Variants in EDA observed in about 807,000 individuals in gnomAD.
EDA encodes ectodysplasin A.
In EDA, 2 loss-of-function variants were observed where a neutral mutation model predicts 23.6. The ratio of observed to expected loss-of-function variants is 0.08; its 90% CI spans 0.03 to 0.27. The LOEUF is 0.27. Among genes scored for constraint, EDA ranks in the 10% least tolerant of loss-of-function variants. The pLI is 1.00. For missense variants in EDA, 229 were observed against 324.2 expected, an observed-to-expected ratio of 0.71 and a Z score of 2.26; for synonymous variants, 131 against 132.0, an observed-to-expected ratio of 0.99 and a Z score of 0.05.
chrX:70,035,792 CCTTG>C lies in EDA; in HGVS notation c.*184_*187del, dbSNP rs2020259878. On this transcript the variant is annotated 3_prime_UTR_variant, in exon 8 of 8. Coordinates refer to ENST00000374552, the MANE Select transcript of EDA (RefSeq NM_001399.5). ...AGGCCTGCTTGACTTTCCAGAATGA[CCTTG>C]AGTTAACAGGACAGTTGATGGAGCC... is the stretch of plus-strand genomic sequence containing the variant. 1 of 530,536 alleles carries C rather than the reference CCTTG, an allele frequency of 1.9e-6. No homozygotes were observed. Among genetic ancestry groups the C allele is most frequent in the African/African-American group, 2.4e-5 (1 of 41,782 alleles). The allele number at this position is 530,536 out of a possible 1,213,427, so 43.7% of individuals were successfully genotyped here.
chrX:69,939,606 G>A (rs2018727027), intron 1 of EDA, among the ~76,000 whole-genome samples: 1 of 111,295 alleles, frequency 9.0e-6, no homozygotes, highest in African/African-American at 3.3e-5. Context: ...GCTCTAGCCA[G>A]GACTTCCAGT....
intron 1 of EDA, among the ~76,000 whole-genome samples, chrX:69,940,525 A>T (rs750691292): frequency 9.1e-6 from 1 of 110,159 alleles, no homozygotes; most frequent in East Asian, 2.8e-4. Context: ...TTATCTTTTG[A>T]TAAAAAAACT....
intron 1 of EDA, chrX:69,937,511 C>T (rs1240451190): frequency 2.3e-6 from 2 of 887,853 alleles, no homozygotes; most frequent in African/African-American, 1.9e-5. Flanking sequence ...TAGAGTTGGT[C>T]AGCATTTTGA....
intron 1 of EDA, among the ~76,000 whole-genome samples, chrX:69,819,898 C>CA (rs61374631): frequency 4.5e-3 from 211 of 46,476 alleles, no homozygotes; most frequent in African/African-American, 6.8e-3. Flanking sequence ...CATGTGGAAG[C>CA]AAAAAAAAAA....
At chrX:69,929,404 C>G (rs2018565283) in intron 1 of EDA, among the ~76,000 whole-genome samples, 1 of 111,286 alleles carries the variant, frequency 9.0e-6, no homozygotes. Context: ...CTTGGCTCAT[C>G]ATGGAGCTGG....
Position 70,036,268 on chromosome X carries a change from G to C in EDA, c.*659G>C, listed in dbSNP as rs1472404814. On this transcript the variant is annotated 3_prime_UTR_variant, in exon 8 of 8. Coordinates refer to ENST00000374552, the MANE Select transcript of EDA (RefSeq NM_001399.5). The stretch of plus-strand genomic sequence containing the variant: ...TGCTGGGCTTTGGGAAGTTTGCTGT[G>C]CTTTGGAACAATCACAGGGAATGGC... 3.6e-5 allele frequency: 4 copies of C among 112,614 alleles called. No individual in the cohort carries two copies. Among genetic ancestry groups the C allele is most frequent in the Non-Finnish European group, 3.8e-5 (2 of 53,296 alleles). The allele number at this position is 112,614 out of a possible 1,213,427, so 9.3% of individuals were successfully genotyped here.
chrX:69,710,068 G>C (rs1327141071), intron 1 of EDA, among the ~76,000 whole-genome samples: 5 of 111,492 alleles, frequency 4.5e-5, no homozygotes, highest in Non-Finnish European at 9.4e-5. Context: ...TGAAGTCCTT[G>C]CCCATGCCTA....
At chrX:70,034,805 C>T (rs1208669618) in intron 7 of EDA, among the ~76,000 whole-genome samples, 1 of 111,796 alleles carries the variant, frequency 8.9e-6, no homozygotes, top group Non-Finnish European at 1.9e-5. Context: ...GCCCAAGGGG[C>T]ACTGTGAATC....
chrX:69,732,676 C>G (rs1314669954), intron 1 of EDA, among the ~76,000 whole-genome samples: 1 of 112,062 alleles, frequency 8.9e-6, no homozygotes, highest in Non-Finnish European at 1.9e-5. Flanking sequence ...AATCGCCACA[C>G]TGTCTTCCAC....
intron 1 of EDA, among the ~76,000 whole-genome samples, chrX:69,658,850 C>A (rs754280952): frequency 3.6e-5 from 4 of 111,660 alleles, no homozygotes; most frequent in South Asian, 3.8e-4. Flanking sequence ...GCTTGCATTT[C>A]GCAGTCTGTA....
At chrX:69,670,454 C>T (rs5980833) in intron 1 of EDA, among the ~76,000 whole-genome samples, 2 of 109,357 alleles carry the variant, frequency 1.8e-5, no homozygotes, top group Non-Finnish European at 3.8e-5. Context: ...CCCAAGACTT[C>T]GGAAGTTGTC....
chrX:69,839,421 C>T (rs761625154), intron 1 of EDA, among the ~76,000 whole-genome samples: 1 of 112,221 alleles, frequency 8.9e-6, no homozygotes, highest in Non-Finnish European at 1.9e-5. Context: ...CCTACATGAA[C>T]ATTTTGTCAC....
intron 1 of EDA, among the ~76,000 whole-genome samples, chrX:69,912,516 G>A (rs1333969006): frequency 2.7e-5 from 3 of 111,693 alleles, no homozygotes; most frequent in Non-Finnish European, 5.6e-5. Context: ...GCTGCAGAAT[G>A]GGTGTTGTGT....
intron 1 of EDA, chrX:69,617,627 A>G (rs189313389): frequency 1.3e-3 from 342 of 262,239 alleles, no homozygotes; most frequent in African/African-American, 8.0e-3. Context: ...AATTTCGTTC[A>G]CTTAACGTAA....
intron 1 of EDA, among the ~76,000 whole-genome samples, chrX:69,834,501 G>C (rs5980864): frequency 9.9e-6 from 1 of 101,427 alleles, no homozygotes; most frequent in Non-Finnish European, 2.0e-5. Context: ...TTTAAAGTCT[G>C]TTTTATTAGA....
chrX:69,765,382 T>TACGG (rs2014440147), intron 1 of EDA, among the ~76,000 whole-genome samples: 1 of 112,043 alleles, frequency 8.9e-6, no homozygotes, highest in Non-Finnish European at 1.9e-5. Flanking sequence ...AGAGTAACCC[T>TACGG]TAGTTCCATT....
chrX:69,728,917 C>A (rs186132777), intron 1 of EDA, among the ~76,000 whole-genome samples: 1 of 111,203 alleles, frequency 9.0e-6, no homozygotes, highest in African/African-American at 3.3e-5. Context: ...ATAGAGTGTA[C>A]CCCCAATGGA....
intron 1 of EDA, among the ~76,000 whole-genome samples, chrX:69,872,563 C>A (rs950081548): frequency 1.8e-5 from 2 of 111,569 alleles, no homozygotes; most frequent in African/African-American, 6.5e-5. Flanking sequence ...AAAGATAATC[C>A]ATGCAAATGG....
chrX:69,728,020 G>A (rs1214816346), intron 1 of EDA, among the ~76,000 whole-genome samples: 11 of 110,830 alleles, frequency 9.9e-5, no homozygotes, highest in Non-Finnish European at 1.9e-4. Context: ...GGAGGTGGGC[G>A]GATCACTTGA....
Sources: allele counts gnomAD v4.1 joint callset (sites outside exome capture counted in the v4.1 genomes callset), GRCh38; gene constraint gnomAD v4.1.1; transcripts MANE v1.5; gene names NCBI Gene and HGNC (gene_info 2026-07-23, HGNC 2026-07-21).